DACH1: variants seen among roughly 807,000 people sequenced by gnomAD.
The protein encoded by DACH1 is dachshund family transcription factor 1.
A neutral mutation model predicts 54.2 loss-of-function variants in DACH1; 12 were observed. The ratio of observed to expected loss-of-function variants is 0.22; its 90% CI spans 0.14 to 0.36. The LOEUF is 0.36. Among genes scored for constraint, DACH1 ranks in the 10% least tolerant of loss-of-function variants. DACH1 has a pLI of 1.00. For missense variants in DACH1, 805 were observed against 929.8 expected (o/e 0.87, Z 1.75); for synonymous variants, 386 against 366.2 (o/e 1.05, Z -0.62).
At chr13:71,551,816 A>G (rs1028570769) in intron 6 of DACH1, among the ~76,000 whole-genome samples, 5 of 152,148 alleles carry the variant, frequency 3.3e-5, no homozygotes, top group Non-Finnish European at 7.4e-5. Context: ...AAAGCCAAAT[A>G]TGGCCAGTTT....
chr13:71,594,192 T>C (rs975090488), intron 3 of DACH1, among the ~76,000 whole-genome samples: 1 of 151,572 alleles, frequency 6.6e-6, no homozygotes, highest in Non-Finnish European at 1.5e-5. Context: ...TAGAAAGTCT[T>C]GGGATTCTAT....
chr13:71,612,347 C>T (rs1036069148), intron 3 of DACH1, among the ~76,000 whole-genome samples: 23 of 151,994 alleles, frequency 1.5e-4, no homozygotes, highest in Non-Finnish European at 2.1e-4. Context: ...CCATTCCAAA[C>T]GGCTGTAATC....
intron 6 of DACH1, among the ~76,000 whole-genome samples, chr13:71,548,595 A>C (rs1421942318): frequency 6.6e-6 from 1 of 152,146 alleles, no homozygotes; most frequent in African/African-American, 2.4e-5. Context: ...TCCACTAAAC[A>C]ATGTTGGATT....
chr13:71,798,481 C>T (rs1887157674), intron 1 of DACH1, among the ~76,000 whole-genome samples: 1 of 151,276 alleles, frequency 6.6e-6, no homozygotes, highest in Non-Finnish European at 1.5e-5. Flanking sequence ...CGTCTAAAAC[C>T]ATCTTCAGAT....
At chr13:71,850,114 G>T (rs1163379136) in intron 1 of DACH1, among the ~76,000 whole-genome samples, 1 of 152,128 alleles carries the variant, frequency 6.6e-6, no homozygotes, top group Non-Finnish European at 1.5e-5. Context: ...GTTGGGGAAG[G>T]ATCTACAGCT....
chr13:71,722,048 A>T (rs1325399769), intron 1 of DACH1, among the ~76,000 whole-genome samples: 10 of 152,158 alleles, frequency 6.6e-5, no homozygotes, highest in Admixed American at 6.6e-4. Flanking sequence ...ATCACTTTGA[A>T]TAATTTATAT....
chr13:71,491,062 C>T (rs1878939085), intron 6 of DACH1, among the ~76,000 whole-genome samples: 2 of 152,088 alleles, frequency 1.3e-5, no homozygotes, highest in Non-Finnish European at 2.9e-5. Context: ...TTTCATCATC[C>T]CCATAATTAT....
chr13:71,734,876 T>G (rs572252728), intron 1 of DACH1, among the ~76,000 whole-genome samples: 1 of 146,708 alleles, frequency 6.8e-6, no homozygotes, highest in South Asian at 2.1e-4. Flanking sequence ...ATACCCCATA[T>G]ACATATACGT....
At chr13:71,498,267 C>T (rs1334407402) in intron 6 of DACH1, among the ~76,000 whole-genome samples, 1 of 152,134 alleles carries the variant, frequency 6.6e-6, no homozygotes, top group Non-Finnish European at 1.5e-5. Context: ...GGAAATCGAT[C>T]ATCTAGTCGC....
At chr13:71,861,554 T>C (rs1874354091) in intron 1 of DACH1, among the ~76,000 whole-genome samples, 1 of 151,964 alleles carries the variant, frequency 6.6e-6, no homozygotes, top group African/African-American at 2.4e-5. Flanking sequence ...TGCTAACACT[T>C]TAAAAACATA....
At chr13:71,779,156 T>C (rs1411755685) in intron 1 of DACH1, among the ~76,000 whole-genome samples, 2 of 78,886 alleles carry the variant, frequency 2.5e-5, no homozygotes, top group Non-Finnish European at 6.0e-5. Context: ...TACACATATA[T>C]ACGTATATAC....
rs151026002 is a variant in DACH1 at position 71,728,095 on chromosome 13, T to C, written c.849-46185A>G. On this transcript the variant is annotated intron_variant, in intron 1 of 10. Transcript: ENST00000613252. Reference sequence around the variant, plus strand: ...CAGCACTCTCAAAAATCTCTGCTCCTGAAAACATGCTGTCAATTAAATGTC... The same window carrying C: ...CAGCACTCTCAAAAATCTCTGCTCCCGAAAACATGCTGTCAATTAAATGTC... 2.7e-3 allele frequency among the ~76,000 whole-genome samples: 418 copies of C among 152,166 alleles called. 3 individuals are homozygous for C. The highest frequency in any genetic ancestry group is 9.6e-3 in the African/African-American group (399 of 41,574).
chr13:71,507,151 T>C lies in DACH1; in HGVS notation c.1571-18003A>G, dbSNP rs535201214. Among the ~76,000 whole-genome samples, 5 of 152,262 alleles carry C rather than the reference T, an allele frequency of 3.3e-5. No homozygotes were observed. The South Asian group carries it at 1.0e-3, about 32-fold the overall frequency. On this transcript the variant is annotated intron_variant, in intron 6 of 10. Coordinates refer to ENST00000613252, the MANE Select transcript of DACH1 (RefSeq NM_080759.6). ...AAAATGGGAGAAAATTTTTGCAACC[T>C]ACTCATCTTAAGATTCTTATACATC...
chr13:71,634,667 T>C (rs1323597492), intron 2 of DACH1, among the ~76,000 whole-genome samples: 1 of 152,178 alleles, frequency 6.6e-6, no homozygotes, highest in Non-Finnish European at 1.5e-5. Flanking sequence ...CATGGCTTAC[T>C]CTTTTAAAGA....
At chr13:71,475,595 G>T in intron 9 of DACH1, 111 bp downstream of exon 9, 1 of 1,286,394 alleles carries the variant, frequency 7.8e-7, no homozygotes, top group Non-Finnish European at 1.1e-6. Flanking sequence ...TTCAAGTATA[G>T]CTGAATGAAT....
At position 71,754,433 on chromosome 13, in the gene DACH1, T is replaced by C. The variant is rs549829713; in HGVS notation, c.849-72523A>G. On this transcript the variant is annotated intron_variant, in intron 1 of 10. Coordinates refer to ENST00000613252, the MANE Select transcript of DACH1 (RefSeq NM_080759.6). ...AGTCTTTAGAAGATATGGGAGTTGA[T>C]ACTTTGCAAGGGGATGATGACTCTC... 2.6e-5 allele frequency among the ~76,000 whole-genome samples: 4 copies of C among 152,322 alleles called. No individual in the cohort carries two copies. The South Asian group carries it at 6.2e-4, about 24-fold the overall frequency.
At chr13:71,497,666 A>T (rs1566297649) in intron 6 of DACH1, among the ~76,000 whole-genome samples, 1 of 152,080 alleles carries the variant, frequency 6.6e-6, no homozygotes, top group African/African-American at 2.4e-5. Flanking sequence ...TGTCTCTCTG[A>T]TAAGGCTTTG....
intron 1 of DACH1, among the ~76,000 whole-genome samples, chr13:71,719,132 C>T (rs544574593): frequency 1.4e-4 from 22 of 152,230 alleles, no homozygotes; most frequent in South Asian, 8.3e-4. Flanking sequence ...GTCAACTAAA[C>T]CCTGCGAGGA....
intron 1 of DACH1, among the ~76,000 whole-genome samples, chr13:71,733,482 A>G (rs1295547730): frequency 1.3e-5 from 2 of 152,118 alleles, no homozygotes; most frequent in Non-Finnish European, 2.9e-5. Flanking sequence ...CACCTGGCCT[A>G]TTACTGCTAT....
Sources: allele counts gnomAD v4.1 joint callset (sites outside exome capture counted in the v4.1 genomes callset), GRCh38; gene constraint gnomAD v4.1.1; transcripts MANE v1.5; gene names NCBI Gene and HGNC (gene_info 2026-07-23, HGNC 2026-07-21).